The following CDH7 variants were observed in gnomAD, a reference collection of about 807,000 sequenced individuals.
CDH7 encodes cadherin-7.
A neutral mutation model predicts 71.8 loss-of-function variants in CDH7; 25 were observed. The observed-to-expected ratio is 0.35, with a 90% confidence interval of 0.25 to 0.49. The LOEUF is 0.49. Among genes scored for constraint, CDH7 ranks in the 20% least tolerant of loss-of-function variants. The pLI is 0.99. For synonymous variants in CDH7, 381 were observed against 363.8 expected (o/e 1.05, Z -0.54); for missense variants, 862 against 974.6 (o/e 0.88, Z 1.54).
At chr18:65,760,307 T>C (rs994928804) in intron 1 of CDH7, among the ~76,000 whole-genome samples, 1 of 152,218 alleles carries the variant, frequency 6.6e-6, no homozygotes, top group Middle Eastern at 3.2e-3. Context: ...ATTTAACTTA[T>C]TCAAGATTAC....
chr18:65,755,527 G>T (rs1169487137), intron 1 of CDH7, among the ~76,000 whole-genome samples: 1 of 152,144 alleles, frequency 6.6e-6, no homozygotes, highest in Admixed American at 6.6e-5. Context: ...CCTGAATAGT[G>T]TGGCTGGTAA....
At chr18:65,814,349 A>G (rs1390763637) in intron 3 of CDH7, 136 bp from the exon 4 acceptor site, 2 of 925,024 alleles carry the variant, frequency 2.2e-6, no homozygotes, top group Non-Finnish European at 3.4e-6. Flanking sequence ...TACTGTATCC[A>G]TTTTTTTATG....
chr18:65,781,055 A>G (rs1162749200), intron 2 of CDH7, among the ~76,000 whole-genome samples: 4 of 151,962 alleles, frequency 2.6e-5, no homozygotes, highest in African/African-American at 4.8e-5. Context: ...TCGGAAGTCA[A>G]TGCAGCTATA....
chr18:65,877,191 C>T (rs867707106), intron 11 of CDH7, among the ~76,000 whole-genome samples: 1 of 152,000 alleles, frequency 6.6e-6, no homozygotes. Context: ...TTCCAAAATA[C>T]CATGTTTTTC....
At chr18:65,841,226 T>G (rs552086133) in intron 6 of CDH7, among the ~76,000 whole-genome samples, 26 of 152,304 alleles carry the variant, frequency 1.7e-4, no homozygotes, top group Admixed American at 7.2e-4. Context: ...TTCATGACTT[T>G]TTAGCATCCA....
At chr18:65,826,378 T>G (rs903179304) in intron 6 of CDH7, among the ~76,000 whole-genome samples, 1 of 151,230 alleles carries the variant, frequency 6.6e-6, no homozygotes, top group Non-Finnish European at 1.5e-5. Flanking sequence ...ATTAGGACCC[T>G]GAAAATATAG....
Position 65,763,065 on chromosome 18 carries a change from G to A in CDH7, c.210+13G>A. On this transcript the variant is annotated intron_variant, in intron 2 of 11. Coordinates refer to ENST00000397968, the MANE Select transcript of CDH7 (RefSeq NM_004361.5). ...CTATGTAGGAAAGGTAGGGTATTGT[G>A]ACCTTTCAAAGTTGTAAATGATTAT... 1 of 1,565,062 alleles carries A rather than the reference G, an allele frequency of 6.4e-7. No homozygotes were observed. Among genetic ancestry groups the A allele is most frequent in the Non-Finnish European group, 8.7e-7 (1 of 1,143,654 alleles).
chr18:65,828,700 G>A (rs1344843723), intron 6 of CDH7, among the ~76,000 whole-genome samples: 2 of 151,860 alleles, frequency 1.3e-5, no homozygotes, highest in African/African-American at 2.4e-5. Flanking sequence ...TTTTTCAGGG[G>A]TCAATTGTAT....
chr18:65,826,854 T>C (rs181538834), intron 6 of CDH7, among the ~76,000 whole-genome samples: 11 of 151,596 alleles, frequency 7.3e-5, no homozygotes, highest in African/African-American at 2.7e-4. Context: ...ACAGAGATGG[T>C]TTTCAGTGGG....
intron 5 of CDH7, among the ~76,000 whole-genome samples, chr18:65,822,956 T>G (rs1423212421): frequency 1.3e-5 from 2 of 151,858 alleles, no homozygotes; most frequent in Non-Finnish European, 2.9e-5. Flanking sequence ...TTTTTTTCCC[T>G]AAGTGTATGT....
At chr18:65,787,383 C>T (rs1490992468) in intron 2 of CDH7, among the ~76,000 whole-genome samples, 1 of 152,182 alleles carries the variant, frequency 6.6e-6, no homozygotes, top group African/African-American at 2.4e-5. Flanking sequence ...ATGATTTTGA[C>T]ATCAGTTCAA....
chr18:65,821,653 T>G (rs1260307222), intron 4 of CDH7, among the ~76,000 whole-genome samples: 1 of 152,162 alleles, frequency 6.6e-6, no homozygotes, highest in Non-Finnish European at 1.5e-5. Context: ...TTGCTACAGA[T>G]AGTAGGAATA....
At chr18:65,866,442 A>G (rs2144046489) in intron 11 of CDH7, 1 of 151,784 alleles carries the variant, frequency 6.6e-6, no homozygotes, top group East Asian at 1.9e-4. Context: ...TGATGTGACT[A>G]ATTAAAGCTA....
chr18:65,872,289 A>G (rs1453821745), intron 11 of CDH7, among the ~76,000 whole-genome samples: 2 of 152,144 alleles, frequency 1.3e-5, no homozygotes, highest in Non-Finnish European at 2.9e-5. Context: ...GGGAAATAGC[A>G]GGGAAAACTC....
intron 2 of CDH7, among the ~76,000 whole-genome samples, chr18:65,799,458 A>G (rs1459850234): frequency 6.6e-6 from 1 of 152,104 alleles, no homozygotes; most frequent in Non-Finnish European, 1.5e-5. Flanking sequence ...TGGGCGGATC[A>G]CGAGGTCAGG....
chr18:65,802,650 A>C (rs1402997769), intron 2 of CDH7, among the ~76,000 whole-genome samples: 1 of 152,206 alleles, frequency 6.6e-6, no homozygotes, highest in Non-Finnish European at 1.5e-5. Context: ...CCTCAAGTAG[A>C]GAACATGAAG....
chr18:65,754,123 CTTTG>C (rs534553024), intron 1 of CDH7, among the ~76,000 whole-genome samples: 253 of 152,264 alleles, frequency 1.7e-3, no homozygotes, highest in African/African-American at 5.2e-3. Context: ...TGCCTTGTTA[CTTTG>C]TTTACTTTTT....
chr18:65,750,459 G>A (rs958762775), upstream of CDH7: 4 of 152,244 alleles, frequency 2.6e-5, no homozygotes, highest in African/African-American at 7.2e-5. Flanking sequence ...AATGCCTCAC[G>A]GAGAGATGGA....
At chr18:65,789,361 T>G (rs1188537928) in intron 2 of CDH7, among the ~76,000 whole-genome samples, 1 of 152,178 alleles carries the variant, frequency 6.6e-6, no homozygotes, top group Non-Finnish European at 1.5e-5. Context: ...TACAATCTGT[T>G]TAGGCGTCTG....
Sources: allele counts gnomAD v4.1 joint callset (sites outside exome capture counted in the v4.1 genomes callset), GRCh38; gene constraint gnomAD v4.1.1; transcripts MANE v1.5; gene names NCBI Gene and HGNC (gene_info 2026-07-23, HGNC 2026-07-21).